ZNF761: variants seen among roughly 807,000 people sequenced by gnomAD.
The protein encoded by ZNF761 is zinc finger protein 761.
Under a neutral mutation model 59.9 loss-of-function variants are expected in ZNF761, and 43 were observed. That is an observed-to-expected ratio of 0.72 (90% CI 0.56 to 0.92). The LOEUF is 0.92. Among genes scored for constraint, ZNF761 ranks in the 40% least tolerant of loss-of-function variants. The pLI, the probability that ZNF761 is intolerant of heterozygous loss-of-function variation, is 0.00. For missense variants in ZNF761, 850 were observed against 906.1 expected (o/e 0.94, Z 0.79); for synonymous variants, 294 against 304.8 (o/e 0.96, Z 0.37).
Position 53,446,270 on chromosome 19 carries a change from C to A in ZNF761, c.-141C>A, listed in dbSNP as rs1000583663. ...AGTGCAGTCTCATGATCTTGGGTCA[C>A]TGCAACCTCTGTTTCCTGGGTTCAA... On this transcript the variant is annotated 5_prime_UTR_variant, in exon 2 of 5. In the 5' UTR this introduces an upstream ATG that the reference lacks. Coordinates refer to ENST00000684525, the MANE Select transcript of ZNF761 (RefSeq NM_001289951.2). 6.6e-6 allele frequency: 1 copy of A among 152,228 alleles called. No homozygotes were observed. The highest frequency in any genetic ancestry group is 2.4e-5 in the African/African-American group (1 of 41,422). The allele number at this position is 152,228 out of a possible 1,614,324, so 9.4% of individuals were successfully genotyped here. A position where few individuals can be genotyped will look rare whatever the true frequency, so the allele number is the denominator to read the frequency against.
rs939567445 is a variant in ZNF761, at chr19:53,457,745, G to C, written c.*997G>C. 1.2e-5 allele frequency: 2 copies of C among 162,752 alleles called. No individual in the cohort carries two copies. The highest frequency in any genetic ancestry group is 4.8e-5 in the African/African-American group (2 of 41,454). 10.1% of individuals were successfully genotyped at this position (162,752 alleles called of 1,614,324 possible). A position where few individuals can be genotyped will look rare whatever the true frequency, so the allele number is the denominator to read the frequency against. ...CTTACACCTGTAATCTGAGCGCTTT[G>C]GGAGGCCAAGGTGGGTAGATCACTT... On this transcript the variant is annotated 3_prime_UTR_variant, in exon 5 of 5. Coordinates refer to ENST00000684525, the MANE Select transcript of ZNF761 (RefSeq NM_001289951.2).
rs769405285 is a variant in ZNF761, at chr19:53,456,676, T to C, written c.2169T>C (p.Cys723=). The C allele has an allele frequency of 5.6e-6, 9 of 1,613,808 alleles. No homozygotes were observed. In the East Asian group the frequency reaches 1.8e-4, roughly 32 times the overall value. ...TGEKPYKCNE[C]GKTFSQKSNL... Reference sequence around the variant, plus strand: ...AGAAACCTTACAAGTGTAATGAGTGTGGCAAGACCTTTAGTCAGAAGTCAA... The same window carrying C: ...AGAAACCTTACAAGTGTAATGAGTGCGGCAAGACCTTTAGTCAGAAGTCAA... The change falls in exon 5 of 5, where the codon TGT becomes TGC. Residue 723 remains cysteine, a synonymous_variant. Coordinates refer to ENST00000684525, the MANE Select transcript of ZNF761 (RefSeq NM_001289951.2).
rs773381638 is a variant in ZNF761, at chr19:53,449,596, A to G, written c.100A>G (p.Arg34Gly). 3 of 1,612,248 alleles carry G rather than the reference A, an allele frequency of 1.9e-6. No homozygotes were observed. The highest frequency in any genetic ancestry group is 2.5e-6 in the Non-Finnish European group (3 of 1,179,210). ...GGACCCTGCTCAGAGGACTCTATAC[A>G]GGGACGTGATGCTGGAGAATTATAG... ...CLDPAQRTLY[R>G]DVMLENYRNL... Residue 34 changes from arginine to glycine, a missense_variant, in exon 4 of 5, where the codon AGG becomes GGG. Arg to Gly is a moderately radical substitution (Grantham distance 125). Coordinates refer to ENST00000684525, the MANE Select transcript of ZNF761 (RefSeq NM_001289951.2).
chr19:53,455,088 A>G lies in ZNF761; in HGVS notation c.581A>G (p.Asn194Ser). The G allele has an allele frequency of 6.2e-7, 1 of 1,614,202 alleles. No individual in the cohort carries two copies. Among genetic ancestry groups the G allele is most frequent in the Non-Finnish European group, 8.5e-7 (1 of 1,180,032 alleles). ...PKTHISNNHG[N>S]NFWNSSLLTQ... ...ACCCATATATCTAATAACCATGGGAATAATTTCTGGAATTCTTCATTACTC... is the reference window on the plus strand; with the variant it reads ...ACCCATATATCTAATAACCATGGGAGTAATTTCTGGAATTCTTCATTACTC... The change falls in exon 5 of 5, where the codon AAT (asparagine) becomes AGT (serine). Residue 194 changes from asparagine (N) to serine (S), a missense_variant. Physicochemically the swap from Asn to Ser is conservative, Grantham distance 46. Coordinates refer to ENST00000684525, the MANE Select transcript of ZNF761 (RefSeq NM_001289951.2).
At chr19:53,432,988 G>T (rs2085989263) in intron 1 of ZNF761, among the ~76,000 whole-genome samples, 1 of 150,640 alleles carries the variant, frequency 6.6e-6, no homozygotes, top group Non-Finnish European at 1.5e-5. Flanking sequence ...GGAGAACAGA[G>T]GGAGAAGCAC....
intron 1 of ZNF761, among the ~76,000 whole-genome samples, chr19:53,432,737 C>T (rs549636971): frequency 6.6e-6 from 1 of 152,134 alleles, no homozygotes; most frequent in African/African-American, 2.4e-5. Context: ...AGACCTATAA[C>T]AGATGGCAAA....
At chr19:53,448,164 G>A (rs2086181069) in intron 3 of ZNF761, among the ~76,000 whole-genome samples, 3 of 152,190 alleles carry the variant, frequency 2.0e-5, no homozygotes, top group South Asian at 4.2e-4. Flanking sequence ...ACCACGCCCA[G>A]CTAATTTTGT....
At chr19:53,449,942 T>A in intron 4 of ZNF761, 1 of 546,878 alleles carries the variant, frequency 1.8e-6, no homozygotes, top group Non-Finnish European at 3.1e-6. Flanking sequence ...TCCTCCTCAG[T>A]CTCCCAAGTA....
In ZNF761 at chr19:53,455,034, C is replaced by A; in HGVS notation, c.527C>A (p.Thr176Lys). Reference sequence around the variant, plus strand: ...GTCCACGATGCTTCCTTGGTTTCAACAGCCCAAAGAATTTCTTGTAGGCCC... The same window carrying A: ...GTCCACGATGCTTCCTTGGTTTCAAAAGCCCAAAGAATTTCTTGTAGGCCC... ...KSVHDASLVS[T>K]AQRISCRPKT... The change falls in exon 5 of 5, where the codon ACA becomes AAA. Residue 176 changes from threonine to lysine, a missense_variant. By Grantham distance (78) the Thr-to-Lys change is moderately conservative. Transcript: ENST00000684525. 6.2e-7 allele frequency: 1 copy of A among 1,614,182 alleles called. No homozygotes were observed. The highest frequency in any genetic ancestry group is 1.3e-5 in the African/African-American group (1 of 75,056).
intron 1 of ZNF761, chr19:53,441,738 A>C: frequency 2.9e-6 from 2 of 698,994 alleles, no homozygotes; most frequent in Non-Finnish European, 4.9e-6. Context: ...ATGAATGACC[A>C]TGCCCGGCTG....
chr19:53,445,862 CA>C (rs1274296004), intron 1 of ZNF761, among the ~76,000 whole-genome samples: 1 of 152,164 alleles, frequency 6.6e-6, no homozygotes, highest in Non-Finnish European at 1.5e-5. Context: ...TTCCCCAGAA[CA>C]AAAGCCCAAC....
At position 53,456,109 on chromosome 19, in the gene ZNF761, G is replaced by T; in HGVS notation, c.1602G>T (p.Lys534Asn). The T allele has an allele frequency of 1.2e-6, 2 of 1,602,902 alleles. No homozygotes were observed. The highest frequency in any genetic ancestry group is 1.7e-6 in the Non-Finnish European group (2 of 1,172,418). ...CNECGKTFSW[K>N]SSLTCHRRLH... ...AGTGCGGCAAGACCTTTAGTTGGAA[G>T]TCATCCCTTACCTGCCATCGTAGAC... Residue 534 changes from lysine to asparagine, a missense_variant, in exon 5 of 5, where the codon AAG (lysine) becomes AAT (asparagine). Physicochemically the swap from Lys to Asn is moderately conservative, Grantham distance 94. Transcript: ENST00000684525.
chr19:53,441,511 A>C (rs1170214347), intron 1 of ZNF761, among the ~76,000 whole-genome samples: 2 of 149,374 alleles, frequency 1.3e-5, no homozygotes, highest in South Asian at 2.1e-4. Flanking sequence ...TAGTGGCATG[A>C]TGTCGGTTCA....
chr19:53,456,237 C>T lies in ZNF761; in HGVS notation c.1730C>T (p.Pro577Leu), dbSNP rs1168350460. 7 of 1,613,716 alleles carry T rather than the reference C, an allele frequency of 4.3e-6. No homozygotes were observed. Among genetic ancestry groups the T allele is most frequent in the Non-Finnish European group, 5.1e-6 (6 of 1,179,958 alleles). Residue 577 changes from proline to leucine, a missense_variant, in exon 5 of 5, where the codon CCT becomes CTT. By Grantham distance (98) the Pro-to-Leu change is moderately conservative. Transcript: ENST00000684525. ...CGTAGACTTCATAGTGGAGAGAACC[C>T]TTACAAATGTGAAGATAGTGACAAA... ...RHRRLHSGEN[P>L]YKCEDSDKAY...
At position 53,455,218 on chromosome 19, in the gene ZNF761, T is replaced by C. The variant is rs1227428824; in HGVS notation, c.711T>C (p.His237=). ...TCTTAAGGAAACATCAGATAATCCA[T>C]TTAGCAGACAAATATAAATGTGATG... ...SSLLRKHQII[H]LADKYKCDVC... The change falls in exon 5 of 5, where the codon CAT becomes CAC. Residue 237 remains histidine (H), a synonymous_variant. Coordinates refer to ENST00000684525, the MANE Select transcript of ZNF761 (RefSeq NM_001289951.2). The C allele has an allele frequency of 6.2e-7, 1 of 1,614,182 alleles. No homozygotes were observed. The highest frequency in any genetic ancestry group is 2.2e-5 in the East Asian group (1 of 44,878).
chr19:53,450,577 A>G (rs2086212747), intron 4 of ZNF761, among the ~76,000 whole-genome samples: 1 of 152,184 alleles, frequency 6.6e-6, no homozygotes, highest in East Asian at 1.9e-4. Context: ...TTGTGTAGAC[A>G]TGCTTTGACT....
At chr19:53,454,572 T>C in intron 4 of ZNF761, 78 bp from the exon 5 acceptor site, 1 of 1,404,090 alleles carries the variant, frequency 7.1e-7, no homozygotes, top group Non-Finnish European at 9.5e-7. Context: ...CTATTGTTTT[T>C]TGTGTCGTAT....
In ZNF761 at chr19:53,454,750, C is replaced by A; in HGVS notation, c.243C>A (p.His81Gln). The change falls in exon 5 of 5, where the codon CAC becomes CAA. Residue 81 changes from histidine (H) to glutamine (Q), a missense_variant. Coordinates refer to ENST00000684525, the MANE Select transcript of ZNF761 (RefSeq NM_001289951.2). ...AGTLQIHESH[H>Q]NGDFCYQDVD... ...CATTGCAAATACATGAAAGTCATCA[C>A]AATGGAGATTTTTGCTACCAGGATG... 2 of 1,614,050 alleles carry A rather than the reference C, an allele frequency of 1.2e-6. No homozygotes were observed. Among genetic ancestry groups the A allele is most frequent in the South Asian group, 2.2e-5 (2 of 91,078 alleles).
At chr19:53,441,447 T>G (rs2086098431) in intron 1 of ZNF761, among the ~76,000 whole-genome samples, 1 of 81,566 alleles carries the variant, frequency 1.2e-5, no homozygotes, top group African/African-American at 4.1e-5. Flanking sequence ...GGTTTTTTTG[T>G]TTTTTGTTTT....
Sources: allele counts gnomAD v4.1 joint callset (sites outside exome capture counted in the v4.1 genomes callset), GRCh38; gene constraint gnomAD v4.1.1; transcripts MANE v1.5; gene names NCBI Gene and HGNC (gene_info 2026-07-23, HGNC 2026-07-21).